The following PTPRD variants were observed in gnomAD, a reference collection of about 807,000 sequenced individuals.
PTPRD encodes receptor-type tyrosine-protein phosphatase delta.
In PTPRD, 34 loss-of-function variants were observed where a neutral mutation model predicts 214.5. That is an observed-to-expected ratio of 0.16 (90% CI 0.12 to 0.21). The LOEUF (loss-of-function observed/expected upper bound fraction) is 0.21, where lower values mean the gene tolerates loss of function less well. Ranked by LOEUF, PTPRD falls within the 10% of genes least tolerant of loss-of-function variation. The probability of loss-of-function intolerance (pLI) is 1.00; values close to 1 mark genes in which losing one functional copy is unlikely to be tolerated. For synonymous variants in PTPRD, 1,128 were observed against 845.7 expected (o/e 1.33, Z -5.79); for missense variants, 2,545 against 2,398.7 (o/e 1.06, Z -1.27).
intron 11 of PTPRD, among the ~76,000 whole-genome samples, chr9:8,951,432 T>C (rs914880133): frequency 1.3e-4 from 20 of 151,526 alleles, no homozygotes; most frequent in African/African-American, 4.4e-4. Flanking sequence ...GAAGCCAATA[T>C]AATCTGTAGG....
intron 33 of PTPRD, among the ~76,000 whole-genome samples, chr9:8,460,038 A>G (rs563811262): frequency 6.6e-6 from 1 of 152,272 alleles, no homozygotes; most frequent in South Asian, 2.1e-4. Flanking sequence ...GTTTCAAAAA[A>G]CACACTGAAA....
Position 8,317,885 on chromosome 9 carries a change from A to C in PTPRD, c.5728T>G (p.Tyr1910Asp). The C allele has an allele frequency of 1.2e-6, 2 of 1,612,240 alleles. No individual in the cohort carries two copies. The highest frequency in any genetic ancestry group is 1.7e-6 in the Non-Finnish European group (2 of 1,178,702). ...ALEYLGSFDH[Y>D]AT ...TGGGTCAGGGGTTTCTACGTTGCATAGTGGTCAAAGCTGCCCAGGTACTCT... is the reference window on the plus strand; with the variant it reads ...TGGGTCAGGGGTTTCTACGTTGCATCGTGGTCAAAGCTGCCCAGGTACTCT... The change falls in exon 46 of 46, where the codon TAT (tyrosine) becomes GAT (aspartate). Residue 1910 changes from tyrosine to aspartate, a missense_variant. Physicochemically the swap from Tyr to Asp is radical, Grantham distance 160. Transcript: ENST00000381196.
intron 9 of PTPRD, among the ~76,000 whole-genome samples, chr9:9,324,642 G>C (rs1968814243): frequency 6.6e-6 from 1 of 152,064 alleles, no homozygotes. Context: ...TCTGTAGGTT[G>C]CCTGTTCACT....
At chr9:8,833,750 T>C (rs1487144257) in intron 11 of PTPRD, among the ~76,000 whole-genome samples, 3 of 135,530 alleles carry the variant, frequency 2.2e-5, no homozygotes, top group African/African-American at 8.8e-5. Flanking sequence ...ACACACACGA[T>C]TCTATATATA....
At chr9:10,292,972 G>A (rs966977236) in intron 3 of PTPRD, among the ~76,000 whole-genome samples, 7 of 151,756 alleles carry the variant, frequency 4.6e-5, no homozygotes, top group South Asian at 4.1e-4. Flanking sequence ...CCAGATGATC[G>A]TTTACAGTAA....
chr9:10,384,478 T>C (rs1253378214), intron 2 of PTPRD, among the ~76,000 whole-genome samples: 1 of 151,666 alleles, frequency 6.6e-6, no homozygotes, highest in Non-Finnish European at 1.5e-5. Context: ...TTGAGCAAAA[T>C]AAGTTATTTC....
chr9:9,898,567 A>C (rs1377482146), intron 5 of PTPRD, among the ~76,000 whole-genome samples: 1 of 152,122 alleles, frequency 6.6e-6, no homozygotes, highest in Non-Finnish European at 1.5e-5. Flanking sequence ...TTTCAATTTA[A>C]GGAATCCTTA....
At chr9:10,526,355 C>A (rs2054282156) in intron 2 of PTPRD, among the ~76,000 whole-genome samples, 2 of 151,994 alleles carry the variant, frequency 1.3e-5, no homozygotes, top group African/African-American at 4.8e-5. Context: ...GTGGCTATAT[C>A]ATTGAACACA....
At chr9:8,473,880 C>G (rs1457409064) in intron 30 of PTPRD, among the ~76,000 whole-genome samples, 1 of 152,226 alleles carries the variant, frequency 6.6e-6, no homozygotes, top group Non-Finnish European at 1.5e-5. Flanking sequence ...CAAAGCAGCT[C>G]TTGCACATTG....
chr9:10,424,747 T>C (rs2098596594), intron 2 of PTPRD, among the ~76,000 whole-genome samples: 1 of 152,000 alleles, frequency 6.6e-6, no homozygotes, highest in South Asian at 2.1e-4. Context: ...GTGTTCAATA[T>C]TCACTGCTAT....
At chr9:8,659,116 T>A (rs1438594005) in intron 12 of PTPRD, among the ~76,000 whole-genome samples, 1 of 152,158 alleles carries the variant, frequency 6.6e-6, no homozygotes, top group Non-Finnish European at 1.5e-5. Context: ...ACTGTGCCAT[T>A]CCTTTGAAGC....
At chr9:9,169,212 G>A (rs2099909813) in intron 10 of PTPRD, among the ~76,000 whole-genome samples, 2 of 151,750 alleles carry the variant, frequency 1.3e-5, no homozygotes, top group African/African-American at 4.8e-5. Context: ...TATTTCTAAA[G>A]TTTTATTTCA....
intron 4 of PTPRD, among the ~76,000 whole-genome samples, chr9:9,964,404 T>G (rs1287934981): frequency 6.6e-6 from 1 of 152,290 alleles, no homozygotes; most frequent in South Asian, 2.1e-4. Context: ...TTTGAGAGAA[T>G]GAGAATGTTT....
intron 9 of PTPRD, among the ~76,000 whole-genome samples, chr9:9,305,971 AT>A: frequency 6.6e-6 from 1 of 152,228 alleles, no homozygotes; most frequent in Non-Finnish European, 1.5e-5. Context: ...GAAATAATAA[AT>A]TTCTGTTGTT....
intron 8 of PTPRD, among the ~76,000 whole-genome samples, chr9:9,515,565 G>A (rs777962446): frequency 1.3e-5 from 2 of 151,902 alleles, no homozygotes; most frequent in Non-Finnish European, 2.9e-5. Context: ...TTCTTTTCTC[G>A]AGGTGGTTGC....
chr9:10,420,378 C>T (rs991820646), intron 2 of PTPRD, among the ~76,000 whole-genome samples: 3 of 151,770 alleles, frequency 2.0e-5, no homozygotes, highest in African/African-American at 4.8e-5. Context: ...TTCTCCAAAT[C>T]CTTTCATTTT....
intron 2 of PTPRD, among the ~76,000 whole-genome samples, chr9:10,345,379 C>T (rs1345715661): frequency 6.6e-6 from 1 of 152,058 alleles, no homozygotes; most frequent in Non-Finnish European, 1.5e-5. Context: ...AACCTGTCAT[C>T]TACATTAGAT....
chr9:8,638,400 T>C (rs1301599120), intron 12 of PTPRD, among the ~76,000 whole-genome samples: 1 of 152,178 alleles, frequency 6.6e-6, no homozygotes. Context: ...CGGATTCCTA[T>C]CTAAGCTCCA....
At chr9:8,651,101 T>C (rs1421136037) in intron 12 of PTPRD, among the ~76,000 whole-genome samples, 1 of 152,240 alleles carries the variant, frequency 6.6e-6, no homozygotes, top group Non-Finnish European at 1.5e-5. Context: ...GTCCATCTTT[T>C]CTACACAAAT....
Sources: gnomAD v4.1 joint callset for allele counts (sites outside exome capture counted in the v4.1 genomes callset) on GRCh38, gnomAD v4.1.1 for gene constraint, MANE v1.5 for transcripts, NCBI Gene and HGNC (gene_info 2026-07-23, HGNC 2026-07-21) for gene names.